FBRSL1: variants seen among roughly 807,000 people sequenced by gnomAD.
The protein encoded by FBRSL1 is fibrosin-1-like protein.
In FBRSL1, 51 loss-of-function variants were observed where a neutral mutation model predicts 89.6. The ratio of observed to expected loss-of-function variants is 0.57; its 90% CI spans 0.45 to 0.72. FBRSL1 has a LOEUF of 0.72. Ranked by LOEUF, FBRSL1 falls within the 30% of genes least tolerant of loss-of-function variation. FBRSL1 has a pLI of 0.00. For missense variants in FBRSL1, 1,618 were observed against 1,451.8 expected (o/e 1.11, Z -1.86); for synonymous variants, 779 against 681.1 (o/e 1.14, Z -2.24).
chr12:132,544,091 G>A (rs1196326981), intron 4 of FBRSL1, among the ~76,000 whole-genome samples: 4 of 152,154 alleles, frequency 2.6e-5, no homozygotes, highest in African/African-American at 9.7e-5. Flanking sequence ...CTGCCCCCAC[G>A]GCCAATCACC....
chr12:132,574,150 G>A lies in FBRSL1; in HGVS notation c.1591G>A (p.Ala531Thr). The A allele has an allele frequency of 2.8e-6, 4 of 1,416,524 alleles. No homozygotes were observed. Among genetic ancestry groups the A allele is most frequent in the Non-Finnish European group, 2.8e-6 (3 of 1,090,364 alleles). 87.7% of individuals were successfully genotyped at this position (1,416,524 alleles called of 1,614,324 possible). Residue 531 changes from alanine (A) to threonine (T), a missense_variant, in exon 12 of 19, where the codon GCG becomes ACG. Transcript: ENST00000680143. ...AGAVHTLLQK[A>T]PGVSDPYRAV... ...TGCGGTTCACACACTCCTGCAGAAA[G>A]CGCCTGGGGTAGGTGTTAGTGGGCG...
At chr12:132,544,175 G>A (rs1021703675) in intron 4 of FBRSL1, among the ~76,000 whole-genome samples, 4 of 152,170 alleles carry the variant, frequency 2.6e-5, no homozygotes, top group African/African-American at 4.8e-5. Context: ...GCCTCGGTGC[G>A]GCTTAAAACC....
In FBRSL1 at chr12:132,564,758, TA is replaced by T. The variant is rs1403032506; in HGVS notation, c.646-2722del. 3.2e-5 allele frequency among the ~76,000 whole-genome samples: 3 copies of T among 93,228 alleles called. 1 individual carries two copies. Among genetic ancestry groups the T allele is most frequent in the African/African-American group, 1.2e-4 (2 of 16,594 alleles). 61.2% of individuals were successfully genotyped at this position (93,228 alleles called of 152,430 possible). A position where few individuals can be genotyped will look rare whatever the true frequency, so the allele number is the denominator to read the frequency against. On this transcript the variant is annotated intron_variant, in intron 5 of 18. Transcript: ENST00000680143. ...GATCCGCCCTCCTCGGCCTCCCGAG[TA>T]GCTGGGACTACAGGCGCCCGCCACC... is the stretch of plus-strand genomic sequence containing the variant.
chr12:132,568,491 A>G (rs989860796), intron 6 of FBRSL1, among the ~76,000 whole-genome samples: 1 of 152,280 alleles, frequency 6.6e-6, no homozygotes, highest in Non-Finnish European at 1.5e-5. Context: ...CTGGCTTCGC[A>G]GACGGTGTCA....
intron 5 of FBRSL1, among the ~76,000 whole-genome samples, chr12:132,556,529 C>G (rs1273227907): frequency 8.2e-6 from 1 of 122,098 alleles, no homozygotes; most frequent in Non-Finnish European, 1.7e-5. Flanking sequence ...CGCTCCTCTC[C>G]AGGCCTTCGT....
Position 132,584,672 on chromosome 12 carries a change from CCTGGGCGGCTCCTGTGGGCTTCAGGA to C in FBRSL1, c.*899_*924del, listed in dbSNP as rs916917515. The C allele has an allele frequency of 6.6e-6, 1 of 152,310 alleles. No homozygotes were observed. The highest frequency in any genetic ancestry group is 1.5e-5 in the Non-Finnish European group (1 of 68,126). 9.4% of individuals were successfully genotyped at this position (152,310 alleles called of 1,614,324 possible). The stretch of plus-strand genomic sequence containing the variant: ...GCCCCTGGGCCAGCAGAACAGCACT[CCTGGGCGGCTCCTGTGGGCTTCAGGA>C]CTGGCCGGCTCCAGCCGCAAGGGCG... On this transcript the variant is annotated 3_prime_UTR_variant, in exon 19 of 19. Coordinates refer to ENST00000680143, the MANE Select transcript of FBRSL1 (RefSeq NM_001367871.1).
At chr12:132,513,421 C>T (rs971489204) in intron 2 of FBRSL1, among the ~76,000 whole-genome samples, 9 of 151,898 alleles carry the variant, frequency 5.9e-5, no homozygotes, top group Non-Finnish European at 1.0e-4. Context: ...AGGTGTCTTC[C>T]GGGGGGTGAC....
intron 14 of FBRSL1, among the ~76,000 whole-genome samples, chr12:132,574,784 TCTC>T (rs1369487802): frequency 6.6e-6 from 1 of 151,934 alleles, no homozygotes; most frequent in Non-Finnish European, 1.5e-5. Context: ...CGCAAGGCCC[TCTC>T]CTCGGCAAGG....
At chr12:132,495,111 GC>G (rs2031779796) in intron 1 of FBRSL1, among the ~76,000 whole-genome samples, 1 of 152,258 alleles carries the variant, frequency 6.6e-6, no homozygotes, top group Non-Finnish European at 1.5e-5. Flanking sequence ...TTGAGACACG[GC>G]CCGTCGTGGG....
chr12:132,551,378 G>C (rs74914049), intron 5 of FBRSL1: 2 of 454,988 alleles, frequency 4.4e-6, no homozygotes, highest in African/African-American at 4.0e-5. Flanking sequence ...AGCGTCCTGC[G>C]TGGGGTCTGT....
intron 5 of FBRSL1, among the ~76,000 whole-genome samples, chr12:132,563,832 C>T (rs1394764829): frequency 1.8e-5 from 1 of 54,510 alleles, no homozygotes; most frequent in Non-Finnish European, 3.1e-5. Flanking sequence ...TTGTGTGCAC[C>T]CCCTGCACCC....
At chr12:132,519,492 T>C (rs1248729353) in intron 2 of FBRSL1, among the ~76,000 whole-genome samples, 1 of 152,022 alleles carries the variant, frequency 6.6e-6, no homozygotes, top group Non-Finnish European at 1.5e-5. Flanking sequence ...ACTCTGAGAG[T>C]CGTTCTCCTT....
At position 132,572,593 on chromosome 12, in the gene FBRSL1, G is replaced by A. The variant is rs201936807; in HGVS notation, c.1501G>A (p.Gly501Arg). The change falls in exon 11 of 19, where the codon GGG becomes AGG. Residue 501 changes from glycine to arginine, a missense_variant. Transcript: ENST00000680143. ...PTLLPHPGPF[G>R]SLQGAFQPKT... ...CCTGCTCCCACACCCCGGCCCCTTC[G>A]GGTCCCTGCAGGGCGCTTTTCAGCC... 144 of 1,550,902 alleles carry A rather than the reference G, an allele frequency of 9.3e-5. No individual in the cohort carries two copies. Among genetic ancestry groups the A allele is most frequent in the Middle Eastern group, 1.7e-4 (1 of 6,010 alleles).
At chr12:132,510,919 C>T (rs970208733) in intron 2 of FBRSL1, 30 of 998,872 alleles carry the variant, frequency 3.0e-5, no homozygotes, top group African/African-American at 2.3e-4. Flanking sequence ...GCCACCTGTG[C>T]GGAGCGCGTG....
chr12:132,540,699 A>G lies in FBRSL1; in HGVS notation c.616-7304A>G, dbSNP rs543869613. Among the ~76,000 whole-genome samples, 3 of 152,148 alleles carry G rather than the reference A, an allele frequency of 2.0e-5. No individual in the cohort carries two copies. The South Asian group carries it at 6.2e-4, about 32-fold the overall frequency. The stretch of plus-strand genomic sequence containing the variant: ...GCGCCTGCTCTGGGCTCAACACATC[A>G]GCACCTGGAACCAGGCTCCAGGGCA... On this transcript the variant is annotated intron_variant, in intron 4 of 18. Coordinates refer to ENST00000680143, the MANE Select transcript of FBRSL1 (RefSeq NM_001367871.1).
intron 1 of FBRSL1, among the ~76,000 whole-genome samples, chr12:132,504,154 C>T (rs1026599448): frequency 6.6e-5 from 10 of 152,144 alleles, no homozygotes. Context: ...GGGAGAGGCC[C>T]TTGCTGTGGT....
Position 132,583,692 on chromosome 12 carries a change from C to A in FBRSL1, c.2923C>A (p.Arg975=). 1 of 1,174,558 alleles carries A rather than the reference C, an allele frequency of 8.5e-7. No individual in the cohort carries two copies. The highest frequency in any genetic ancestry group is 3.7e-5 in the East Asian group (1 of 26,980). 72.8% of individuals were successfully genotyped at this position (1,174,558 alleles called of 1,614,324 possible). The change falls in exon 19 of 19, where the codon CGG becomes AGG. Residue 975 remains arginine, a synonymous_variant. Transcript: ENST00000680143. The part of the protein sequence containing the change: ...PPTPPGPPRS[R]TTPLGGLGPG... ...CACGCCCCCCGGGCCGCCGCGGAGC[C>A]GGACTACTCCGCTGGGGGGCCTCGG...
chr12:132,565,983 G>A (rs545622951), intron 5 of FBRSL1: 5 of 152,338 alleles, frequency 3.3e-5, no homozygotes, highest in African/African-American at 1.2e-4. Flanking sequence ...CGTGGTGACA[G>A]GTGCATCACT....
intron 3 of FBRSL1, among the ~76,000 whole-genome samples, chr12:132,526,144 G>C (rs960026495): frequency 3.3e-5 from 5 of 152,226 alleles, no homozygotes; most frequent in African/African-American, 9.6e-5. Flanking sequence ...GCTGGCAGGA[G>C]CCCAGAGGCC....
Sources: allele counts gnomAD v4.1 joint callset (sites outside exome capture counted in the v4.1 genomes callset), GRCh38; gene constraint gnomAD v4.1.1; transcripts MANE v1.5; gene names NCBI Gene and HGNC (gene_info 2026-07-23, HGNC 2026-07-21).